Variants in NR3C2 observed in about 807,000 individuals in gnomAD.
NR3C2 encodes the protein nuclear receptor subfamily 3 group C member 2.
Under a neutral mutation model 86.4 loss-of-function variants are expected in NR3C2, and 15 were observed. The ratio of observed to expected loss-of-function variants is 0.17; its 90% CI spans 0.12 to 0.27. The LOEUF (loss-of-function observed/expected upper bound fraction) is 0.27. Ranked by LOEUF, NR3C2 falls within the 10% of genes least tolerant of loss-of-function variation. The pLI is 1.00. For synonymous variants in NR3C2, 458 were observed against 450.5 expected, an observed-to-expected ratio of 1.02 and a Z score of -0.21; for missense variants, 960 against 1,195.6, an observed-to-expected ratio of 0.80 and a Z score of 2.91.
At chr4:148,345,544 A>G (rs1344238320) in intron 2 of NR3C2, among the ~76,000 whole-genome samples, 4 of 152,008 alleles carry the variant, frequency 2.6e-5, no homozygotes, top group African/African-American at 9.7e-5. Context: ...TTTAAAGTTT[A>G]CAAACCATTT....
intron 2 of NR3C2, among the ~76,000 whole-genome samples, chr4:148,326,340 G>A (rs192558055): frequency 4.6e-5 from 7 of 152,188 alleles, no homozygotes; most frequent in Non-Finnish European, 5.9e-5. Context: ...GGCGGAGCCT[G>A]CAGTGAACTG....
At chr4:148,317,575 G>A (rs1291463392) in intron 2 of NR3C2, among the ~76,000 whole-genome samples, 1 of 151,932 alleles carries the variant, frequency 6.6e-6, no homozygotes, top group Admixed American at 6.6e-5. Context: ...TTATAAAGAA[G>A]ATACAGAGAG....
At chr4:148,262,140 T>C (rs919510692) in intron 2 of NR3C2, among the ~76,000 whole-genome samples, 5 of 152,242 alleles carry the variant, frequency 3.3e-5, no homozygotes, top group Non-Finnish European at 5.9e-5. Context: ...CACGGTTTTG[T>C]AAATATTTAG....
chr4:148,321,385 C>T (rs1208614065), intron 2 of NR3C2, among the ~76,000 whole-genome samples: 1 of 151,558 alleles, frequency 6.6e-6, no homozygotes, highest in East Asian at 1.9e-4. Context: ...CTGTAGATGT[C>T]TATTAGGTCC....
At chr4:148,228,824 A>G (rs1377546546) in intron 3 of NR3C2, among the ~76,000 whole-genome samples, 1 of 152,160 alleles carries the variant, frequency 6.6e-6, no homozygotes, top group Non-Finnish European at 1.5e-5. Flanking sequence ...ATTATATCCA[A>G]CCCCATATAA....
intron 4 of NR3C2, among the ~76,000 whole-genome samples, chr4:148,165,386 C>A (rs1412667339): frequency 1.3e-5 from 2 of 151,934 alleles, no homozygotes; most frequent in East Asian, 3.9e-4. Flanking sequence ...GAAATAAAAA[C>A]TTTTAATGAG....
intron 3 of NR3C2, among the ~76,000 whole-genome samples, chr4:148,200,874 ACTAATACACCACTT>A (rs1354046730): frequency 6.6e-6 from 1 of 152,140 alleles, no homozygotes; most frequent in Non-Finnish European, 1.5e-5. Context: ...ACCTGCCTCT[ACTAATACACCACTT>A]CTAAATCAAA....
At chr4:148,263,710 G>GT (rs1310781672) in intron 2 of NR3C2, among the ~76,000 whole-genome samples, 1 of 152,148 alleles carries the variant, frequency 6.6e-6, no homozygotes, top group Non-Finnish European at 1.5e-5. Flanking sequence ...CAACATCCCT[G>GT]TTGAAGTGTT....
chr4:148,304,908 T>C (rs3846327), intron 2 of NR3C2, among the ~76,000 whole-genome samples: 28,936 of 150,168 alleles, frequency 0.19, 2,943 homozygotes, highest in Admixed American at 0.27. Flanking sequence ...TTTTTTTTTT[T>C]TCCTGAGAGA....
chr4:148,224,838 G>C (rs1440104953), intron 3 of NR3C2, among the ~76,000 whole-genome samples: 4 of 152,144 alleles, frequency 2.6e-5, no homozygotes, highest in African/African-American at 9.7e-5. Context: ...GGCCTGACTG[G>C]ATGAAGGAAA....
chr4:148,162,310 TA>T (rs1734697015), intron 4 of NR3C2, among the ~76,000 whole-genome samples: 1 of 152,236 alleles, frequency 6.6e-6, no homozygotes, highest in Admixed American at 6.5e-5. Flanking sequence ...CTTCTGGGGC[TA>T]GACAGATGGT....
chr4:148,419,319 T>C (rs951802301), intron 2 of NR3C2, among the ~76,000 whole-genome samples: 2 of 152,162 alleles, frequency 1.3e-5, no homozygotes, highest in Non-Finnish European at 1.5e-5. Flanking sequence ...CTGGGGCTCA[T>C]GGGTTCATGA....
intron 2 of NR3C2, among the ~76,000 whole-genome samples, chr4:148,261,373 G>A (rs112764772): frequency 6.0e-5 from 6 of 99,660 alleles, no homozygotes; most frequent in South Asian, 7.5e-4. Context: ...GCTATGGTGC[G>A]CTATGGTCAG....
At chr4:148,222,392 A>G (rs1210561497) in intron 3 of NR3C2, among the ~76,000 whole-genome samples, 3 of 152,218 alleles carry the variant, frequency 2.0e-5, no homozygotes, top group African/African-American at 7.2e-5. Context: ...CAAAGCCCGC[A>G]TTAGCCAATA....
chr4:148,079,966 A>T lies in NR3C2; in HGVS notation c.*1378T>A, dbSNP rs1380296493. 1 of 152,164 alleles carries T rather than the reference A, an allele frequency of 6.6e-6. No homozygotes were observed. Among genetic ancestry groups the T allele is most frequent in the African/African-American group, 2.4e-5 (1 of 41,406 alleles). The allele number at this position is 152,164 out of a possible 1,614,324, so 9.4% of individuals were successfully genotyped here. The stretch of plus-strand genomic sequence containing the variant: ...TCTTTAACAGAGAGAGAGTGCATGG[A>T]ATTTTTTTTTCCCACAGGAGAAAAT... On this transcript the variant is annotated 3_prime_UTR_variant, in exon 9 of 9. Transcript: ENST00000358102.
chr4:148,136,310 A>C (rs1273684530), intron 6 of NR3C2, among the ~76,000 whole-genome samples: 1 of 151,638 alleles, frequency 6.6e-6, no homozygotes, highest in Non-Finnish European at 1.5e-5. Flanking sequence ...GGTCAAGCAG[A>C]AACAGAAAAA....
At chr4:148,178,950 A>T (rs1187551982) in intron 4 of NR3C2, among the ~76,000 whole-genome samples, 1 of 151,000 alleles carries the variant, frequency 6.6e-6, no homozygotes, top group Non-Finnish European at 1.5e-5. Context: ...AAAAAAAACA[A>T]AAAAAAACAA....
intron 2 of NR3C2, among the ~76,000 whole-genome samples, chr4:148,315,650 C>T (rs1451821415): frequency 9.2e-5 from 14 of 152,094 alleles, no homozygotes; most frequent in Admixed American, 8.5e-4. Flanking sequence ...CAGAATAAAA[C>T]GCTGTTTGGC....
intron 8 of NR3C2, among the ~76,000 whole-genome samples, chr4:148,113,305 G>A (rs1362033141): frequency 2.6e-5 from 4 of 152,166 alleles, no homozygotes; most frequent in Non-Finnish European, 4.4e-5. Context: ...CACTAATAAT[G>A]TTTTTGAAAG....
Sources: allele counts gnomAD v4.1 joint callset (sites outside exome capture counted in the v4.1 genomes callset), GRCh38; gene constraint gnomAD v4.1.1; transcripts MANE v1.5; gene names NCBI Gene and HGNC (gene_info 2026-07-23, HGNC 2026-07-21).